The following ZDHHC11B variants were observed in gnomAD, a reference collection of about 807,000 sequenced individuals.
The protein encoded by ZDHHC11B is zDHHC palmitoyltransferase 11B (putative), also known as probable palmitoyltransferase ZDHHC11B.
In ZDHHC11B, 17 loss-of-function variants were observed where a neutral mutation model predicts 42.3. The observed-to-expected ratio is 0.40, with a 90% confidence interval of 0.27 to 0.60. The LOEUF is 0.60. Among genes scored for constraint, ZDHHC11B ranks in the 20% least tolerant of loss-of-function variants. ZDHHC11B has a pLI of 0.41. For synonymous variants in ZDHHC11B, 123 were observed against 193.5 expected (o/e 0.64, Z 3.02); for missense variants, 262 against 463.2 (o/e 0.57, Z 3.99).
At chr5:733,266 A>C (rs1319886509) in intron 11 of ZDHHC11B, among the ~76,000 whole-genome samples, 1 of 151,258 alleles carries the variant, frequency 6.6e-6, no homozygotes, top group African/African-American at 2.4e-5. Flanking sequence ...ACCCCCCCAC[A>C]TATGTGCAAC....
intron 4 of ZDHHC11B, among the ~76,000 whole-genome samples, chr5:758,180 G>T (rs550022383): frequency 6.6e-6 from 1 of 151,908 alleles, no homozygotes; most frequent in Non-Finnish European, 1.5e-5. Flanking sequence ...GCCTTGGGAC[G>T]CTATCGGTGG....
chr5:726,109 G>A (rs1335182198), intron 12 of ZDHHC11B, among the ~76,000 whole-genome samples: 2 of 149,288 alleles, frequency 1.3e-5, no homozygotes, highest in African/African-American at 5.0e-5. Context: ...TCCCCCATCG[G>A]TTTGTCTAAT....
chr5:713,995 A>G (rs1050868475), intron 13 of ZDHHC11B, among the ~76,000 whole-genome samples: 2 of 139,286 alleles, frequency 1.4e-5, no homozygotes, highest in Admixed American at 1.4e-4. Context: ...TCCCCACTAG[A>G]TTTCTCTTTG....
chr5:730,139 A>T (rs1742905938), intron 12 of ZDHHC11B, among the ~76,000 whole-genome samples: 1 of 151,782 alleles, frequency 6.6e-6, no homozygotes, highest in Admixed American at 6.6e-5. Context: ...GAAACATTAA[A>T]AAACATTCAG....
chr5:777,930 C>T lies in ZDHHC11B; in HGVS notation c.-230+6738G>A, dbSNP rs550531698. On this transcript the variant is annotated intron_variant, in intron 1 of 13. Transcript: ENST00000508859. ...CGGGGCGGGGGAGGGGGGGCGTGGC[C>T]TCGGCATGGCGGTCGGCGGGTCCCG... 5.3e-3 allele frequency among the ~76,000 whole-genome samples: 800 copies of T among 151,560 alleles called. 6 individuals carry two copies. The highest frequency in any genetic ancestry group is 0.018 in the African/African-American group (757 of 41,120).
chr5:783,568 C>A (rs1737014909), intron 1 of ZDHHC11B, among the ~76,000 whole-genome samples: 1 of 152,354 alleles, frequency 6.6e-6, no homozygotes, highest in Admixed American at 6.5e-5. Context: ...ATAAACATGC[C>A]AGGTGGATCA....
chr5:767,331 C>T, intron 3 of ZDHHC11B, 61 bp downstream of exon 3: 4 of 1,545,878 alleles, frequency 2.6e-6, no homozygotes, highest in East Asian at 2.2e-5. Flanking sequence ...GCTCCGGGTC[C>T]CACACCAGGG....
intron 11 of ZDHHC11B, among the ~76,000 whole-genome samples, chr5:733,105 A>T (rs1168396347): frequency 3.3e-5 from 5 of 151,302 alleles, no homozygotes; most frequent in Non-Finnish European, 7.4e-5. Flanking sequence ...CTGACCCCAG[A>T]GCAGGAACAG....
intron 4 of ZDHHC11B, among the ~76,000 whole-genome samples, chr5:758,313 C>T (rs1215212610): frequency 1.3e-5 from 2 of 151,934 alleles, no homozygotes; most frequent in African/African-American, 4.8e-5. Flanking sequence ...TGGGGCCAGG[C>T]AGGGCCTCTG....
At chr5:714,674 C>T (rs1457825496) in intron 13 of ZDHHC11B, among the ~76,000 whole-genome samples, 21 of 122,354 alleles carry the variant, frequency 1.7e-4, no homozygotes, top group African/African-American at 6.0e-4. Flanking sequence ...TGAGTTTGGG[C>T]TTCTATAAAA....
At chr5:783,573 G>A (rs1737015185) in intron 1 of ZDHHC11B, among the ~76,000 whole-genome samples, 1 of 152,230 alleles carries the variant, frequency 6.6e-6, no homozygotes, top group Non-Finnish European at 1.5e-5. Context: ...CATGCCAGGT[G>A]GATCAGCGGT....
At chr5:763,126 T>A (rs1452339741) in intron 4 of ZDHHC11B, among the ~76,000 whole-genome samples, 7 of 151,782 alleles carry the variant, frequency 4.6e-5, no homozygotes, top group African/African-American at 1.7e-4. Flanking sequence ...TCCCAGCACT[T>A]TGGGAGACCG....
At chr5:751,830 T>G (rs4045365) in intron 6 of ZDHHC11B, among the ~76,000 whole-genome samples, 1 of 116,666 alleles carries the variant, frequency 8.6e-6, no homozygotes, top group Non-Finnish European at 1.9e-5. Flanking sequence ...ATTCAGGCAG[T>G]GCTTCTTGCA....
chr5:748,995 CTTCCTCACTAA>C (rs1745236809), intron 7 of ZDHHC11B, among the ~76,000 whole-genome samples: 1 of 42,148 alleles, frequency 2.4e-5, no homozygotes, highest in African/African-American at 7.7e-5. Flanking sequence ...GCACCCACCC[CTTCCTCACTAA>C]GTGCTGGGGT....
intron 12 of ZDHHC11B, among the ~76,000 whole-genome samples, chr5:717,611 A>G (rs1182467343): frequency 1.3e-5 from 2 of 151,886 alleles, no homozygotes; most frequent in Non-Finnish European, 2.9e-5. Context: ...CTTAAAAATT[A>G]TAATCAGGAT....
chr5:719,466 G>C (rs59086942), intron 12 of ZDHHC11B, among the ~76,000 whole-genome samples: 19,765 of 150,116 alleles, frequency 0.13, 1,653 homozygotes, highest in Non-Finnish European at 0.19. Flanking sequence ...ATTAGTAGTA[G>C]AGATAGAAAT....
At chr5:762,777 G>A (rs1734791324) in intron 4 of ZDHHC11B, among the ~76,000 whole-genome samples, 1 of 151,284 alleles carries the variant, frequency 6.6e-6, no homozygotes, top group Non-Finnish European at 1.5e-5. Flanking sequence ...GTAAACCCAA[G>A]GTCAGTTGAA....
At chr5:751,878 G>A (rs1745819780) in intron 6 of ZDHHC11B, among the ~76,000 whole-genome samples, 1 of 119,498 alleles carries the variant, frequency 8.4e-6, no homozygotes, top group African/African-American at 2.7e-5. Flanking sequence ...GAACAATGAG[G>A]TTGTGAGGAG....
At chr5:765,879 G>A (rs1254991730) in intron 4 of ZDHHC11B, among the ~76,000 whole-genome samples, 2 of 151,922 alleles carry the variant, frequency 1.3e-5, no homozygotes, top group Non-Finnish European at 2.9e-5. Flanking sequence ...AAGTTGGTGA[G>A]ACCAAGAACC....
Sources: allele counts gnomAD v4.1 joint callset (sites outside exome capture counted in the v4.1 genomes callset), GRCh38; gene constraint gnomAD v4.1.1; transcripts MANE v1.5; gene names NCBI Gene and HGNC (gene_info 2026-07-23, HGNC 2026-07-21).